Variants in CTNNA2 observed in about 807,000 individuals in gnomAD.
CTNNA2 encodes the protein catenin alpha-2.
In CTNNA2, 42 loss-of-function variants were observed where a neutral mutation model predicts 101.0. The ratio of observed to expected loss-of-function variants is 0.42; its 90% confidence interval spans 0.32 to 0.54. CTNNA2 has a LOEUF of 0.54. CTNNA2 is among the 20% of genes least tolerant of loss of function. CTNNA2 has a pLI of 0.14. For synonymous variants in CTNNA2, 450 were observed against 456.4 expected, an observed-to-expected ratio of 0.99 and a Z score of 0.18; for missense variants, 871 against 1,223.1, an observed-to-expected ratio of 0.71 and a Z score of 4.29.
At chr2:80,202,283 G>A (rs1707257292) in intron 7 of CTNNA2, among the ~76,000 whole-genome samples, 1 of 152,166 alleles carries the variant, frequency 6.6e-6, no homozygotes, top group African/African-American at 2.4e-5. Context: ...CCAGGACACT[G>A]AAGCATCAAT....
intron 4 of CTNNA2, among the ~76,000 whole-genome samples, chr2:79,447,949 G>T (rs548456699): frequency 6.6e-6 from 1 of 151,964 alleles, no homozygotes; most frequent in South Asian, 2.1e-4. Context: ...AATTATTTTG[G>T]CTCCCATAAG....
intron 1 of CTNNA2, among the ~76,000 whole-genome samples, chr2:79,525,445 G>C (rs1056418769): frequency 2.0e-5 from 3 of 151,816 alleles, no homozygotes; most frequent in Non-Finnish European, 4.4e-5. Flanking sequence ...ATACATATCA[G>C]TATTGATTTA....
At chr2:79,906,052 C>T (rs949437547) in intron 6 of CTNNA2, among the ~76,000 whole-genome samples, 2 of 152,064 alleles carry the variant, frequency 1.3e-5, no homozygotes, top group Non-Finnish European at 2.9e-5. Flanking sequence ...TCTCTAAAAA[C>T]AGACAGAGAC....
intron 6 of CTNNA2, among the ~76,000 whole-genome samples, chr2:79,904,365 A>T (rs1430044523): frequency 6.6e-6 from 1 of 152,210 alleles, no homozygotes; most frequent in Admixed American, 6.5e-5. Context: ...ACTCTCAGTT[A>T]TCTATTGGGA....
chr2:80,163,033 C>T (rs1335049583), intron 7 of CTNNA2: 1 of 1,563,948 alleles, frequency 6.4e-7, no homozygotes, highest in Non-Finnish European at 8.8e-7. Context: ...AGTTTGATTC[C>T]ATTAAGTAGA....
intron 7 of CTNNA2, among the ~76,000 whole-genome samples, chr2:80,271,848 A>C (rs947183905): frequency 6.6e-6 from 1 of 152,234 alleles, no homozygotes; most frequent in African/African-American, 2.4e-5. Context: ...AGAAAATTCC[A>C]TATAAGGATC....
At chr2:80,119,266 T>C (rs1217928734) in intron 7 of CTNNA2, among the ~76,000 whole-genome samples, 6 of 152,166 alleles carry the variant, frequency 3.9e-5, no homozygotes, top group Admixed American at 3.3e-4. Context: ...CAGACAGATA[T>C]CAGATTTCTC....
At chr2:80,009,978 C>T (rs953965759) in intron 7 of CTNNA2, among the ~76,000 whole-genome samples, 1 of 152,122 alleles carries the variant, frequency 6.6e-6, no homozygotes, top group Admixed American at 6.5e-5. Context: ...TTAGACTCAT[C>T]AAGGTATACT....
chr2:79,485,220 G>GT (rs1280992150), intron 4 of CTNNA2, among the ~76,000 whole-genome samples: 1 of 143,504 alleles, frequency 7.0e-6, no homozygotes, highest in African/African-American at 2.5e-5. Context: ...TTTATACTAA[G>GT]TAAAAAAAAA....
Position 79,272,728 on chromosome 2 carries a change from C to T in CTNNA2, c.-405-39981C>T, listed in dbSNP as rs895565309. On this transcript the variant is annotated intron_variant, in intron 2 of 21. Transcript: ENST00000466387. ...AGCAATAATTACACCCATTTATTTT[C>T]ATCATTTCATTGTAATTTTTATGTG... 1.2e-4 allele frequency among the ~76,000 whole-genome samples: 18 copies of T among 152,124 alleles called. 1 individual carries two copies. Among genetic ancestry groups the T allele is most frequent in the Admixed American group, 9.2e-4 (14 of 15,260 alleles).
At chr2:79,493,376 G>A (rs1167102084) in intron 4 of CTNNA2, among the ~76,000 whole-genome samples, 1 of 152,190 alleles carries the variant, frequency 6.6e-6, no homozygotes, top group Non-Finnish European at 1.5e-5. Flanking sequence ...CCAGCACTTT[G>A]GAAGGCTGAG....
chr2:80,604,271 C>T (rs1697805353), intron 16 of CTNNA2, 92 bp downstream of exon 16: 5 of 920,708 alleles, frequency 5.4e-6, no homozygotes, highest in Admixed American at 1.8e-5. Flanking sequence ...CTATAAAATG[C>T]CTCTGAAGAA....
intron 3 of CTNNA2, among the ~76,000 whole-genome samples, chr2:79,773,232 A>G (rs559419555): frequency 5.9e-5 from 9 of 152,302 alleles, no homozygotes; most frequent in African/African-American, 2.2e-4. Context: ...GCAAGAGAGG[A>G]TGGTATTGTC....
chr2:80,601,416 TCTTTC>T (rs1697503463), intron 15 of CTNNA2, among the ~76,000 whole-genome samples: 1 of 127,214 alleles, frequency 7.9e-6, no homozygotes, highest in African/African-American at 3.2e-5. Context: ...TTTCTTTCTT[TCTTTC>T]TTTTTTTTTT....
chr2:80,179,793 C>T (rs1012848755), intron 7 of CTNNA2, among the ~76,000 whole-genome samples: 42 of 152,166 alleles, frequency 2.8e-4, no homozygotes, highest in Non-Finnish European at 4.9e-4. Flanking sequence ...GCTCTAATGG[C>T]TTCCATTTGG....
intron 7 of CTNNA2, among the ~76,000 whole-genome samples, chr2:80,095,174 T>G (rs1700066776): frequency 6.6e-6 from 1 of 152,234 alleles, no homozygotes; most frequent in Non-Finnish European, 1.5e-5. Flanking sequence ...TTGAGATATG[T>G]CCCATCAATA....
chr2:80,095,180 C>T (rs953843709), intron 7 of CTNNA2, among the ~76,000 whole-genome samples: 1 of 152,162 alleles, frequency 6.6e-6, no homozygotes, highest in African/African-American at 2.4e-5. Flanking sequence ...TATGTCCCAT[C>T]AATACCTAAT....
intron 2 of CTNNA2, among the ~76,000 whole-genome samples, chr2:79,665,655 G>T (rs1365273822): frequency 2.0e-5 from 3 of 152,064 alleles, no homozygotes; most frequent in Non-Finnish European, 4.4e-5. Flanking sequence ...ACATTAATGG[G>T]CTTAGCAGAA....
At chr2:80,528,443 G>T (rs1690230782) in intron 9 of CTNNA2, among the ~76,000 whole-genome samples, 1 of 152,090 alleles carries the variant, frequency 6.6e-6, no homozygotes, top group Admixed American at 6.6e-5. Flanking sequence ...TGATCTGCCT[G>T]CCTCAGCCTC....
Sources: gnomAD v4.1 joint callset for allele counts (sites outside exome capture counted in the v4.1 genomes callset) on GRCh38, gnomAD v4.1.1 for gene constraint, MANE v1.5 for transcripts, NCBI Gene and HGNC (gene_info 2026-07-23, HGNC 2026-07-21) for gene names.